UBR1: variants seen among roughly 807,000 people sequenced by gnomAD.
UBR1 encodes E3 ubiquitin-protein ligase UBR1.
A neutral mutation model predicts 242.1 loss-of-function variants in UBR1; 102 were observed. That is an observed-to-expected ratio of 0.42 (90% CI 0.36 to 0.50). The LOEUF (loss-of-function observed/expected upper bound fraction) is 0.50. Ranked by LOEUF, UBR1 falls within the 20% of genes least tolerant of loss-of-function variation. The pLI, the probability that UBR1 is intolerant of heterozygous loss-of-function variation, is 0.01. For synonymous variants in UBR1, 675 were observed against 684.8 expected (o/e 0.99, Z 0.22); for missense variants, 1,772 against 2,101.8 (o/e 0.84, Z 3.07).
intron 1 of UBR1, among the ~76,000 whole-genome samples, chr15:43,104,713 C>CA (rs1350441924): frequency 6.6e-6 from 1 of 150,784 alleles, no homozygotes; most frequent in Non-Finnish European, 1.5e-5. Flanking sequence ...AAAAAAAAAA[C>CA]AAAAAACCTT....
chr15:43,069,123 C>A (rs373485413), intron 5 of UBR1, among the ~76,000 whole-genome samples: 18 of 152,286 alleles, frequency 1.2e-4, no homozygotes, highest in African/African-American at 4.3e-4. Flanking sequence ...GCCATTTTGG[C>A]AACAGGACCT....
At chr15:43,048,066 A>G (rs1200189609) in intron 13 of UBR1, among the ~76,000 whole-genome samples, 8 of 152,124 alleles carry the variant, frequency 5.3e-5, no homozygotes, top group Admixed American at 5.2e-4. Context: ...GCATGCCTGT[A>G]ATCCCAGCTA....
chr15:42,950,423 G>A (rs774012385), intron 45 of UBR1, 60 bp from the exon 46 acceptor site: 34 of 1,427,638 alleles, frequency 2.4e-5, no homozygotes, highest in Non-Finnish European at 3.4e-5. Flanking sequence ...GATAGGCACT[G>A]CATCAATGTT....
At chr15:43,087,658 T>C (rs1350674772) in intron 1 of UBR1, among the ~76,000 whole-genome samples, 1 of 152,168 alleles carries the variant, frequency 6.6e-6, no homozygotes, top group African/African-American at 2.4e-5. Context: ...TGTAGACAGT[T>C]ATTAAAATTT....
intron 27 of UBR1, among the ~76,000 whole-genome samples, chr15:43,018,754 T>C (rs1415774753): frequency 6.6e-6 from 1 of 152,182 alleles, no homozygotes; most frequent in Non-Finnish European, 1.5e-5. Context: ...AATGAACACC[T>C]ACAACATAGC....
intron 42 of UBR1, among the ~76,000 whole-genome samples, chr15:42,961,840 C>T (rs1190711325): frequency 6.6e-6 from 1 of 151,790 alleles, no homozygotes; most frequent in Non-Finnish European, 1.5e-5. Flanking sequence ...CTGCAACCTT[C>T]GCCTCCAGAG....
chr15:42,987,803 T>C (rs1271437112), intron 35 of UBR1, among the ~76,000 whole-genome samples: 1 of 149,424 alleles, frequency 6.7e-6, no homozygotes. Flanking sequence ...TACATTTAAA[T>C]GAAGAAAATA....
chr15:43,011,949 G>A (rs908454412), intron 29 of UBR1: 18 of 452,004 alleles, frequency 4.0e-5, no homozygotes, highest in Non-Finnish European at 5.8e-5. Context: ...ATTATAGGCC[G>A]GGCACAGTGG....
At chr15:43,030,575 C>T (rs1031541220) in intron 20 of UBR1, among the ~76,000 whole-genome samples, 4 of 152,140 alleles carry the variant, frequency 2.6e-5, no homozygotes, top group Admixed American at 6.5e-5. Context: ...AATGACAAAA[C>T]AGTAATATGT....
chr15:43,003,940 G>A lies in UBR1; in HGVS notation c.3416-10C>T, dbSNP rs1217316113. 1.2e-6 allele frequency: 2 copies of A among 1,612,368 alleles called. No individual in the cohort carries two copies. Among genetic ancestry groups the A allele is most frequent in the South Asian group, 1.1e-5 (1 of 91,042 alleles). ...AGTGGGTCTAGGGCTTCTGGTACAA[G>A]GTATAAAAAGGAGGGAAAAAGAGAG... On this transcript the variant is annotated splice_polypyrimidine_tract_variant and intron_variant, in intron 30 of 46. Coordinates refer to ENST00000290650, the MANE Select transcript of UBR1 (RefSeq NM_174916.3).
At chr15:43,052,271 T>A (rs779014111) in intron 12 of UBR1, among the ~76,000 whole-genome samples, 13 of 152,230 alleles carry the variant, frequency 8.5e-5, no homozygotes, top group Non-Finnish European at 1.6e-4. Flanking sequence ...TGCAACTCAA[T>A]GCAGAAAAGA....
intron 6 of UBR1, among the ~76,000 whole-genome samples, chr15:43,060,643 C>T (rs571483250): frequency 6.6e-6 from 1 of 152,032 alleles, no homozygotes; most frequent in African/African-American, 2.4e-5. Flanking sequence ...TCTATATGTG[C>T]CATGTGAAAA....
At chr15:42,956,995 T>C (rs2031931660) in intron 44 of UBR1, among the ~76,000 whole-genome samples, 1 of 152,184 alleles carries the variant, frequency 6.6e-6, no homozygotes, top group African/African-American at 2.4e-5. Flanking sequence ...AATTACCATA[T>C]GACTCAGCAA....
At chr15:42,985,882 AG>A (rs2032451113) in intron 35 of UBR1, among the ~76,000 whole-genome samples, 1 of 150,388 alleles carries the variant, frequency 6.6e-6, no homozygotes, top group Non-Finnish European at 1.5e-5. Context: ...CCAACTGCTC[AG>A]GAGGCTGAGG....
chr15:42,977,428 C>G (rs765696391), intron 38 of UBR1, among the ~76,000 whole-genome samples: 2 of 152,148 alleles, frequency 1.3e-5, no homozygotes, highest in Non-Finnish European at 2.9e-5. Context: ...AATGGAAAAT[C>G]TCTACAAAAA....
intron 46 of UBR1, among the ~76,000 whole-genome samples, chr15:42,946,824 A>G (rs904347111): frequency 1.3e-5 from 2 of 152,192 alleles, no homozygotes; most frequent in Admixed American, 1.3e-4. Flanking sequence ...GTTAATGCTC[A>G]GAAGGAAAGA....
intron 3 of UBR1, among the ~76,000 whole-genome samples, chr15:43,080,204 T>C (rs907145107): frequency 6.6e-6 from 1 of 152,260 alleles, no homozygotes; most frequent in African/African-American, 2.4e-5. Context: ...TAAAACTTTA[T>C]TTACGGGCAC....
At chr15:42,947,746 C>T (rs1487231690) in intron 46 of UBR1, among the ~76,000 whole-genome samples, 1 of 152,160 alleles carries the variant, frequency 6.6e-6, no homozygotes, top group Non-Finnish European at 1.5e-5. Context: ...AGGACCTCTT[C>T]AAGGAGAACT....
At chr15:42,984,820 A>G (rs889449305) in intron 36 of UBR1, 67 bp downstream of exon 36, 4 of 1,400,988 alleles carry the variant, frequency 2.9e-6, no homozygotes, top group Non-Finnish European at 3.0e-6. Context: ...TTTGTTTTTA[A>G]TAATAAACTG....
Sources: allele counts gnomAD v4.1 joint callset (sites outside exome capture counted in the v4.1 genomes callset), GRCh38; gene constraint gnomAD v4.1.1; transcripts MANE v1.5; gene names NCBI Gene and HGNC (gene_info 2026-07-23, HGNC 2026-07-21).